TEX11: variants seen among roughly 807,000 people sequenced by gnomAD.
The protein encoded by TEX11 is testis expressed 11.
A neutral mutation model predicts 84.4 loss-of-function variants in TEX11; 7 were observed. The observed-to-expected ratio is 0.08, with a 90% CI of 0.05 to 0.16. TEX11 has a LOEUF of 0.16. Ranked by LOEUF, TEX11 falls within the 10% of genes least tolerant of loss-of-function variation. TEX11 has a pLI of 1.00. For synonymous variants in TEX11, 264 were observed against 222.8 expected (o/e 1.18, Z -1.64); for missense variants, 551 against 660.5 (o/e 0.83, Z 1.82).
intron 28 of TEX11, among the ~76,000 whole-genome samples, chrX:70,534,873 A>G (rs1236079035): frequency 8.9e-6 from 1 of 111,787 alleles, no homozygotes; most frequent in Non-Finnish European, 1.9e-5. Flanking sequence ...ATCACAATCA[A>G]TTATGGAATA....
chrX:70,889,000 G>A (rs1424753227), intron 2 of TEX11, among the ~76,000 whole-genome samples: 2 of 111,167 alleles, frequency 1.8e-5, no homozygotes, highest in African/African-American at 3.3e-5. Flanking sequence ...TCCTTCAAAT[G>A]TGAAGGAGAA....
chrX:70,877,379 C>G (rs1602204222), intron 3 of TEX11, among the ~76,000 whole-genome samples: 1 of 110,625 alleles, frequency 9.0e-6, no homozygotes, highest in African/African-American at 3.3e-5. Context: ...AACAGAACAA[C>G]AAGTATTGGT....
In TEX11 at chrX:70,553,329, T is replaced by A. The variant is rs1210179902; in HGVS notation, c.2376A>T (p.Glu792Asp). 1 of 1,201,765 alleles carries A rather than the reference T, an allele frequency of 8.3e-7. No individual in the cohort carries two copies. The highest frequency in any genetic ancestry group is 1.8e-5 in the African/African-American group (1 of 57,113). ...ACCTGTATTGTGATATATCAATTGG[T>A]TCTTCCTTTTTGTAGAGCAATAAAG... ...KKALLLYKKE[E>D]PIDISQYSKC... The change falls in exon 27 of 30, where the codon GAA becomes GAT. Residue 792 changes from glutamate (E) to aspartate (D), a missense_variant. Transcript: ENST00000374333.
chrX:70,671,463 T>C (rs990870513), intron 15 of TEX11, among the ~76,000 whole-genome samples: 1 of 111,260 alleles, frequency 9.0e-6, no homozygotes, highest in Non-Finnish European at 1.9e-5. Flanking sequence ...ATATTAGAAA[T>C]AGTCAATTAG....
At chrX:70,713,555 C>G (rs1322007722) in intron 13 of TEX11, among the ~76,000 whole-genome samples, 1 of 111,934 alleles carries the variant, frequency 8.9e-6, no homozygotes, top group East Asian at 2.8e-4. Flanking sequence ...TCCATTTCTT[C>G]TAGATTTTCT....
At position 70,894,070 on chromosome X, in the gene TEX11, G is replaced by A. The variant is rs2091753666; in HGVS notation, c.37+13683C>T. ...GACCAATAACAAGTTCTGAAATTGA[G>A]GCAGTAATTAATAGCCTAGCAACCA... On this transcript the variant is annotated intron_variant, in intron 2 of 29. Transcript: ENST00000374333. Among the ~76,000 whole-genome samples, 3 of 111,348 alleles carry A rather than the reference G, an allele frequency of 2.7e-5. No homozygotes were observed. The South Asian group carries it at 1.1e-3, about 42-fold the overall frequency.
At chrX:70,757,163 C>T (rs1212633363) in intron 9 of TEX11, among the ~76,000 whole-genome samples, 5 of 112,039 alleles carry the variant, frequency 4.5e-5, no homozygotes, top group East Asian at 2.8e-4. Context: ...CTGAAACTGA[C>T]GGGGAGAATG....
At chrX:70,789,385 A>G (rs1184227683) in intron 9 of TEX11, among the ~76,000 whole-genome samples, 1 of 111,809 alleles carries the variant, frequency 8.9e-6, no homozygotes, top group Non-Finnish European at 1.9e-5. Flanking sequence ...TGAGCTTAGG[A>G]GTTTGAGACC....
At chrX:70,722,922 C>A (rs887486974) in intron 12 of TEX11, among the ~76,000 whole-genome samples, 1 of 111,811 alleles carries the variant, frequency 8.9e-6, no homozygotes, top group Non-Finnish European at 1.9e-5. Flanking sequence ...TGGTGCAATC[C>A]TTTCAAAAAG....
chrX:70,904,922 T>C (rs987182446), intron 2 of TEX11, among the ~76,000 whole-genome samples: 14 of 112,775 alleles, frequency 1.2e-4, no homozygotes, highest in African/African-American at 3.9e-4. Context: ...ATTTTTAATA[T>C]GACTACTAGA....
At chrX:70,623,901 C>T (rs769966846) in intron 20 of TEX11, 49 bp downstream of exon 20, 19 of 1,036,209 alleles carry the variant, frequency 1.8e-5, no homozygotes, top group Non-Finnish European at 2.4e-5. Flanking sequence ...TTGTAAGTTA[C>T]TATAATTTGT....
intron 15 of TEX11, among the ~76,000 whole-genome samples, chrX:70,677,573 C>T (rs1344925365): frequency 9.0e-6 from 1 of 111,323 alleles, no homozygotes; most frequent in African/African-American, 3.3e-5. Flanking sequence ...AGCTTCTTTG[C>T]TCTGACTTCA....
At chrX:70,637,481 C>A (rs2089589473) in intron 17 of TEX11, among the ~76,000 whole-genome samples, 2 of 112,311 alleles carry the variant, frequency 1.8e-5, no homozygotes, top group Admixed American at 1.9e-4. Context: ...CATTGTAGCA[C>A]TATTCACAAT....
chrX:70,862,322 TA>T (rs2091574643), intron 4 of TEX11, among the ~76,000 whole-genome samples: 1 of 112,092 alleles, frequency 8.9e-6, no homozygotes, highest in East Asian at 2.8e-4. Flanking sequence ...ATTCAAGTTT[TA>T]AAAAACAGCT....
the TEX11 span, among the ~76,000 whole-genome samples, chrX:70,523,533 G>T: frequency 2.7e-5 from 3 of 110,883 alleles, no homozygotes; most frequent in African/African-American, 9.8e-5. Context: ...GCGCGATCTC[G>T]GCTCACTGCA....
intron 4 of TEX11, among the ~76,000 whole-genome samples, chrX:70,862,034 A>G (rs2147859662): frequency 9.1e-6 from 1 of 109,703 alleles, no homozygotes; most frequent in African/African-American, 3.3e-5. Context: ...TCACTCACCC[A>G]AGCTAGAATA....
At chrX:70,553,245 C>A in intron 27 of TEX11, 61 bp downstream of exon 27, 2 of 761,534 alleles carry the variant, frequency 2.6e-6, no homozygotes, top group Non-Finnish European at 1.9e-6. Context: ...CGATTGGTTA[C>A]TTTTGAGGCA....
At position 70,629,757 on chromosome X, in the gene TEX11, C is replaced by A. The variant is rs1483408965; in HGVS notation, c.1484-22G>T. Reference sequence around the variant, plus strand: ...AAAGCTGAAAAACAAGAAAAAAATTCAAAAATGATATACTCTAATCAAAGA... The same window carrying A: ...AAAGCTGAAAAACAAGAAAAAAATTAAAAAATGATATACTCTAATCAAAGA... On this transcript the variant is annotated intron_variant, in intron 17 of 29. Coordinates refer to ENST00000374333, the MANE Select transcript of TEX11 (RefSeq NM_031276.3). 8.4e-6 allele frequency: 9 copies of A among 1,067,536 alleles called. No homozygotes were observed. The Admixed American group carries it at 1.3e-4, about 16-fold the overall frequency. The allele number at this position is 1,067,536 out of a possible 1,213,427, so 88.0% of individuals were successfully genotyped here.
chrX:70,678,924 T>A, intron 14 of TEX11, 35 bp from the exon 15 acceptor site: 2 of 1,114,419 alleles, frequency 1.8e-6, no homozygotes, highest in South Asian at 2.0e-5. Flanking sequence ...AATAAGAATC[T>A]CGGTCTATTG....
Sources: allele counts gnomAD v4.1 joint callset (sites outside exome capture counted in the v4.1 genomes callset), GRCh38; gene constraint gnomAD v4.1.1; transcripts MANE v1.5; gene names NCBI Gene and HGNC (gene_info 2026-07-23, HGNC 2026-07-21).